Variants in UBA6 observed in about 807,000 individuals in gnomAD.
UBA6 encodes ubiquitin-like modifier-activating enzyme 6.
Under a neutral mutation model 148.3 loss-of-function variants are expected in UBA6, and 87 were observed. That is an observed-to-expected ratio of 0.59 (90% confidence interval 0.49 to 0.70). The LOEUF (loss-of-function observed/expected upper bound fraction) is 0.70. Among genes scored for constraint, UBA6 ranks in the 30% least tolerant of loss-of-function variants. The pLI, the probability that UBA6 is intolerant of heterozygous loss-of-function variation, is 0.00. For synonymous variants in UBA6, 376 were observed against 401.0 expected (o/e 0.94, Z 0.75); for missense variants, 1,186 against 1,241.2 (o/e 0.96, Z 0.67).
At chr4:67,624,379 T>G (rs4860854) in intron 29 of UBA6, 126 bp from the exon 30 acceptor site, 180,183 of 773,370 alleles carry the variant, frequency 0.23, 21,524 homozygotes, top group Non-Finnish European at 0.25. Context: ...TATGGGACTA[T>G]AGTAATATAA....
At chr4:67,643,474 G>C (rs368921316) in intron 17 of UBA6, among the ~76,000 whole-genome samples, 100 of 152,036 alleles carry the variant, frequency 6.6e-4, no homozygotes, top group African/African-American at 2.3e-3. Context: ...TCCGTTCTCT[G>C]CTTTAAGTTT....
At position 67,633,469 on chromosome 4, in the gene UBA6, A is replaced by G; in HGVS notation, c.2018T>C (p.Ile673Thr). Reference protein sequence around the residue: ...YSSAEEVLQKIQSGHSLEGCF... With the variant: ...YSSAEEVLQKTQSGHSLEGCF... Reference sequence around the variant, plus strand: ...GCCTTCTAAACTGTGTCCACTCTGTATCTTCTAGAATGGGAGAGAAAAAAA... The same window carrying G: ...GCCTTCTAAACTGTGTCCACTCTGTGTCTTCTAGAATGGGAGAGAAAAAAA... The change falls in exon 23 of 33, where the codon ATA becomes ACA. Residue 673 changes from isoleucine to threonine, a missense_variant. Physicochemically the swap from Ile to Thr is moderately conservative, Grantham distance 89 (BLOSUM62 -1). Transcript: ENST00000322244. 1 of 1,584,046 alleles carries G rather than the reference A, an allele frequency of 6.3e-7. No individual in the cohort carries two copies. The highest frequency in any genetic ancestry group is 2.3e-5 in the East Asian group (1 of 44,402).
At chr4:67,639,211 G>A in intron 18 of UBA6, 87 bp from the exon 19 acceptor site, 1 of 1,077,608 alleles carries the variant, frequency 9.3e-7, no homozygotes, top group South Asian at 1.7e-5. Flanking sequence ...TGATAAGAAT[G>A]TGTAAGTTCA....
chr4:67,662,366 C>T (rs939662981), intron 12 of UBA6, 111 bp from the exon 13 acceptor site: 9 of 862,026 alleles, frequency 1.0e-5, no homozygotes, highest in Non-Finnish European at 1.6e-5. Flanking sequence ...GGGATTTTTG[C>T]CAACAGGTAG....
At chr4:67,671,207 T>G (rs1324503630) in intron 7 of UBA6, among the ~76,000 whole-genome samples, 2 of 152,202 alleles carry the variant, frequency 1.3e-5, no homozygotes, top group Non-Finnish European at 2.9e-5. Context: ...TTTTTGGGCT[T>G]AAAGCTATTT....
chr4:67,698,400 C>A (rs1730890138), intron 1 of UBA6, among the ~76,000 whole-genome samples: 1 of 152,188 alleles, frequency 6.6e-6, no homozygotes, highest in East Asian at 1.9e-4. Flanking sequence ...TAATAGATAA[C>A]CCTGTGCTAC....
At chr4:67,687,808 G>C (rs1730607675) in intron 2 of UBA6, among the ~76,000 whole-genome samples, 1 of 152,172 alleles carries the variant, frequency 6.6e-6, no homozygotes, top group Non-Finnish European at 1.5e-5. Context: ...CAAAGGACAT[G>C]ATCTCATTCT....
rs1251361539 is a variant in UBA6, at chr4:67,613,169, C to A, written c.*5828G>T. The A allele has an allele frequency of 6.6e-6, 1 of 152,216 alleles. No homozygotes were observed. The highest frequency in any genetic ancestry group is 1.5e-5 in the Non-Finnish European group (1 of 68,046). 9.4% of individuals were successfully genotyped at this position (152,216 alleles called of 1,614,324 possible). On this transcript the variant is annotated 3_prime_UTR_variant, in exon 33 of 33. Transcript: ENST00000322244. ...ACCTGGAAAATTTCAGTATCTGAAA[C>A]TGGATCAAAATAATCCTAAATTACT...
intron 14 of UBA6, 89 bp downstream of exon 14, chr4:67,648,979 G>T: frequency 7.4e-7 from 1 of 1,353,358 alleles, no homozygotes; most frequent in Non-Finnish European, 9.9e-7. Context: ...TTTTAAGGTC[G>T]CTTTTCTAAT....
chr4:67,662,142 T>C (rs1185128821), intron 13 of UBA6, 47 bp downstream of exon 13: 12 of 1,551,106 alleles, frequency 7.7e-6, no homozygotes, highest in East Asian at 2.2e-5. Context: ...AGAACACTTA[T>C]GTATTAACAA....
intron 13 of UBA6, among the ~76,000 whole-genome samples, chr4:67,660,948 C>A (rs1415250785): frequency 6.6e-6 from 1 of 152,124 alleles, no homozygotes; most frequent in Non-Finnish European, 1.5e-5. Flanking sequence ...CATTTTGGAA[C>A]CTTAAGATTT....
chr4:67,664,385 C>T (rs9997151), intron 10 of UBA6, among the ~76,000 whole-genome samples: 1,740 of 151,360 alleles, frequency 0.011, 40 homozygotes, highest in African/African-American at 0.04. Flanking sequence ...AAATTGGAGA[C>T]AAAACATAAG....
intron 4 of UBA6, among the ~76,000 whole-genome samples, chr4:67,680,787 T>C (rs1730414289): frequency 6.6e-6 from 1 of 152,192 alleles, no homozygotes; most frequent in African/African-American, 2.4e-5. Flanking sequence ...TCTCCTGTCT[T>C]ACTTGTTTAC....
intron 1 of UBA6, among the ~76,000 whole-genome samples, chr4:67,699,112 C>G (rs1577848338): frequency 6.6e-6 from 1 of 152,236 alleles, no homozygotes; most frequent in South Asian, 2.1e-4. Context: ...CACAGCATGG[C>G]CTTCAAAAAA....
At chr4:67,643,423 T>C (rs1729352940) in intron 17 of UBA6, among the ~76,000 whole-genome samples, 3 of 152,040 alleles carry the variant, frequency 2.0e-5, no homozygotes, top group Non-Finnish European at 4.4e-5. Flanking sequence ...TTACATTTGC[T>C]TTAAAGGCTG....
At chr4:67,662,820 A>C in intron 12 of UBA6, 1 of 207,736 alleles carries the variant, frequency 4.8e-6, no homozygotes, top group Non-Finnish European at 9.6e-6. Flanking sequence ...ACTCTGACTT[A>C]ACAGGATATA....
chr4:67,691,179 C>T (rs11946696), intron 2 of UBA6, among the ~76,000 whole-genome samples: 34,897 of 151,038 alleles, frequency 0.23, 4,172 homozygotes, highest in Middle Eastern at 0.3. Flanking sequence ...CCTAGAAATA[C>T]CCAAAAATTA....
intron 2 of UBA6, among the ~76,000 whole-genome samples, chr4:67,695,744 A>G (rs1730817714): frequency 6.6e-6 from 1 of 152,180 alleles, no homozygotes; most frequent in South Asian, 2.1e-4. Context: ...TAATCAAGAA[A>G]TCATCTTTAA....
chr4:67,650,565 C>T (rs1367129207), intron 13 of UBA6, among the ~76,000 whole-genome samples: 1 of 152,068 alleles, frequency 6.6e-6, no homozygotes, highest in African/African-American at 2.4e-5. Context: ...AGTGACAGGG[C>T]TTCAGTATTA....
Sources: allele counts gnomAD v4.1 joint callset (sites outside exome capture counted in the v4.1 genomes callset), GRCh38; gene constraint gnomAD v4.1.1; transcripts MANE v1.5; gene names NCBI Gene and HGNC (gene_info 2026-07-23, HGNC 2026-07-21).